ZFP64: variants seen among roughly 807,000 people sequenced by gnomAD.
The protein encoded by ZFP64 is ZFP64 zinc finger protein.
A neutral mutation model predicts 51.6 loss-of-function variants in ZFP64; 14 were observed. That is an observed-to-expected ratio of 0.27 (90% CI 0.18 to 0.42). ZFP64 has a LOEUF of 0.42. Ranked by LOEUF, ZFP64 falls within the 10% of genes least tolerant of loss-of-function variation. ZFP64 has a pLI of 1.00. For missense variants in ZFP64, 754 were observed against 906.8 expected (o/e 0.83, Z 2.16); for synonymous variants, 375 against 361.4 (o/e 1.04, Z -0.43).
chr20:52,111,342 A>G (rs6126460), intron 5 of ZFP64, among the ~76,000 whole-genome samples: 106,517 of 151,178 alleles, frequency 0.7, 37,903 homozygotes, highest in African/African-American at 0.76. Flanking sequence ...TCAGCCTCCC[A>G]AGTAGCTGGG....
intron 3 of ZFP64, 180 bp downstream of exon 3, chr20:52,165,684 G>A: frequency 1.2e-6 from 1 of 827,952 alleles, no homozygotes; most frequent in Non-Finnish European, 2.0e-6. Flanking sequence ...GAGGCAGAAT[G>A]ACCACAGACA....
chr20:52,155,857 G>A (rs1461310938), intron 5 of ZFP64, among the ~76,000 whole-genome samples: 2 of 152,118 alleles, frequency 1.3e-5, no homozygotes, highest in Admixed American at 6.6e-5. Flanking sequence ...AGTTTGGGTT[G>A]CTACTAAAAC....
intron 5 of ZFP64, among the ~76,000 whole-genome samples, chr20:52,131,131 AG>A (rs796592438): frequency 3.2e-4 from 49 of 151,568 alleles, no homozygotes; most frequent in African/African-American, 7.3e-4. Flanking sequence ...GGAGGAAGAC[AG>A]GAAGAAAGGA....
chr20:52,154,637 C>G (rs1427700977), intron 5 of ZFP64, among the ~76,000 whole-genome samples: 1 of 152,092 alleles, frequency 6.6e-6, no homozygotes, highest in African/African-American at 2.4e-5. Flanking sequence ...TTCTAGAACA[C>G]TGAGAGGCCT....
At chr20:52,098,337 C>T (rs7274039) in intron 6 of ZFP64, 170,298 of 1,515,768 alleles carry the variant, frequency 0.11, 12,221 homozygotes, top group African/African-American at 0.33. Flanking sequence ...ATGTTGTCAG[C>T]AAACAAGAGT....
In ZFP64 at chr20:52,086,262, C is replaced by T. The variant is rs1232953994; in HGVS notation, c.1229-996G>A. 7.9e-5 allele frequency among the ~76,000 whole-genome samples: 12 copies of T among 152,258 alleles called. No homozygotes were observed. In the East Asian group the frequency reaches 2.1e-3, roughly 27 times the overall value. ...TGATATTCATCGGAGCCAAACACTG[C>T]ACCAGGATTACAATCACTTCCTTAT... On this transcript the variant is annotated intron_variant, in intron 8 of 8. Transcript: ENST00000361387.
chr20:52,138,957 A>G lies in ZFP64; in HGVS notation c.763+21166T>C, dbSNP rs529890498. On this transcript the variant is annotated intron_variant, in intron 5 of 8. Coordinates refer to the ZFP64 transcript ENST00000361387. ...AAATGCTCAACATCCTAATCATGAG[A>G]GAAATATAAATCAAAACCACAGTGA... 3.3e-5 allele frequency among the ~76,000 whole-genome samples: 5 copies of G among 152,334 alleles called. No homozygotes were observed. In the East Asian group the frequency reaches 7.7e-4, roughly 24 times the overall value.
At chr20:52,156,498 T>A (rs1457698452) in intron 5 of ZFP64, among the ~76,000 whole-genome samples, 1 of 152,214 alleles carries the variant, frequency 6.6e-6, no homozygotes, top group Admixed American at 6.5e-5. Context: ...CCAAGGCCAG[T>A]GGACAGCCAG....
chr20:52,092,982 CT>C (rs1206005752), intron 7 of ZFP64, among the ~76,000 whole-genome samples: 1 of 152,146 alleles, frequency 6.6e-6, no homozygotes. Flanking sequence ...GAGAATTATG[CT>C]TCCCTGTCCC....
chr20:52,098,096 C>T (rs1186849032), intron 6 of ZFP64, among the ~76,000 whole-genome samples: 2 of 148,326 alleles, frequency 1.3e-5, no homozygotes, highest in Non-Finnish European at 3.0e-5. Context: ...TTGCTAGAAC[C>T]TGAGAGGCGG....
intron 5 of ZFP64, among the ~76,000 whole-genome samples, chr20:52,135,570 T>C (rs1979930141): frequency 6.6e-6 from 1 of 152,084 alleles, no homozygotes; most frequent in Non-Finnish European, 1.5e-5. Flanking sequence ...CACTGCAGCA[T>C]TGACGTCCTG....
At chr20:52,105,077 A>C in intron 5 of ZFP64, 2 of 1,402,064 alleles carry the variant, frequency 1.4e-6, no homozygotes, top group South Asian at 1.6e-5. Flanking sequence ...GGGTCCGGAG[A>C]ACCTCTGAGC....
At chr20:52,181,722 C>T (rs1983626141) in intron 2 of ZFP64, among the ~76,000 whole-genome samples, 1 of 152,162 alleles carries the variant, frequency 6.6e-6, no homozygotes, top group Admixed American at 6.5e-5. Context: ...GTTAAAAATA[C>T]AGATACCTGA....
intron 7 of ZFP64, among the ~76,000 whole-genome samples, chr20:52,094,670 G>A (rs932602095): frequency 3.9e-5 from 6 of 152,130 alleles, no homozygotes; most frequent in Non-Finnish European, 7.3e-5. Flanking sequence ...GAGGCATGAG[G>A]ATCACTTGAA....
intron 5 of ZFP64, among the ~76,000 whole-genome samples, chr20:52,134,633 G>A (rs1200588339): frequency 6.6e-6 from 1 of 152,024 alleles, no homozygotes; most frequent in African/African-American, 2.4e-5. Flanking sequence ...GAAACACAGT[G>A]ACTTGGAACG....
At chr20:52,115,916 C>A (rs1488027557) in intron 5 of ZFP64, among the ~76,000 whole-genome samples, 6 of 152,118 alleles carry the variant, frequency 3.9e-5, no homozygotes, top group Non-Finnish European at 8.8e-5. Flanking sequence ...CTCACGGCAG[C>A]CTCCATCTCC....
chr20:52,113,601 T>TG (rs1978716257), intron 5 of ZFP64, among the ~76,000 whole-genome samples: 1 of 149,526 alleles, frequency 6.7e-6, no homozygotes, highest in African/African-American at 2.5e-5. Context: ...GCTTTTTTTT[T>TG]TTTTTTCTTT....
At chr20:52,167,653 A>G (rs1265730229) in intron 2 of ZFP64, among the ~76,000 whole-genome samples, 1 of 152,022 alleles carries the variant, frequency 6.6e-6, no homozygotes, top group African/African-American at 2.4e-5. Context: ...GTTTCAAATA[A>G]GAAGTAAATA....
Position 52,105,266 on chromosome 20 carries a change from C to T in ZFP64, c.764-6679G>A, listed in dbSNP as rs565048636. ...GCGAGGACCGGGCTCCCCGCGCGTC[C>T]CTAGGAGTGGCCTACTTCACACAAC... is the stretch of plus-strand genomic sequence containing the variant. On this transcript the variant is annotated intron_variant, in intron 5 of 8. Coordinates refer to the ZFP64 transcript ENST00000361387. 4.6e-5 allele frequency: 60 copies of T among 1,317,578 alleles called. No individual in the cohort carries two copies. The South Asian group carries it at 1.3e-3, about 29-fold the overall frequency. 81.6% of individuals were successfully genotyped at this position (1,317,578 alleles called of 1,614,324 possible).
Sources: gnomAD v4.1 joint callset for allele counts (sites outside exome capture counted in the v4.1 genomes callset) on GRCh38, gnomAD v4.1.1 for gene constraint, MANE v1.5 for transcripts, NCBI Gene and HGNC (gene_info 2026-07-23, HGNC 2026-07-21) for gene names.